PEX7: variants seen among roughly 807,000 people sequenced by gnomAD.
The protein encoded by PEX7 is PTS2 receptor.
Under a neutral mutation model 47.5 loss-of-function variants are expected in PEX7, and 34 were observed. The ratio of observed to expected loss-of-function variants is 0.72; its 90% CI spans 0.54 to 0.95. PEX7 has a LOEUF of 0.95. Ranked by LOEUF, PEX7 falls within the 40% of genes least tolerant of loss-of-function variation. PEX7 has a pLI of 0.00. For synonymous variants in PEX7, 141 were observed against 148.8 expected (o/e 0.95, Z 0.38); for missense variants, 394 against 400.3 (o/e 0.98, Z 0.13).
chr6:136,866,824 G>A, intron 6 of PEX7, 91 bp downstream of exon 6: 1 of 1,086,216 alleles, frequency 9.2e-7, no homozygotes, highest in Non-Finnish European at 1.4e-6. Flanking sequence ...GGACTTTGGT[G>A]GTGTTCCTGG....
At chr6:136,853,484 A>G (rs1384178654) in intron 5 of PEX7, among the ~76,000 whole-genome samples, 1 of 152,152 alleles carries the variant, frequency 6.6e-6, no homozygotes, top group Non-Finnish European at 1.5e-5. Flanking sequence ...CTAATAAACT[A>G]TACCAATGCC....
chr6:136,865,641 G>C (rs1243780029), intron 5 of PEX7, among the ~76,000 whole-genome samples: 1 of 152,146 alleles, frequency 6.6e-6, no homozygotes, highest in Admixed American at 6.5e-5. Flanking sequence ...AGCTGGGCGT[G>C]GTAGCACACA....
intron 8 of PEX7, among the ~76,000 whole-genome samples, chr6:136,892,464 T>G (rs987822839): frequency 2.0e-5 from 3 of 152,222 alleles, no homozygotes; most frequent in Admixed American, 2.0e-4. Context: ...CAGGAGAGTC[T>G]GTGTTTTGGG....
At chr6:136,857,473 G>T (rs1202017710) in intron 5 of PEX7, among the ~76,000 whole-genome samples, 1 of 152,184 alleles carries the variant, frequency 6.6e-6, no homozygotes, top group Non-Finnish European at 1.5e-5. Flanking sequence ...ACAACAGATG[G>T]AGTTCCTGCA....
intron 3 of PEX7, among the ~76,000 whole-genome samples, chr6:136,829,088 C>A (rs929190503): frequency 6.6e-6 from 1 of 152,170 alleles, no homozygotes; most frequent in Non-Finnish European, 1.5e-5. Flanking sequence ...CTTCAACAGT[C>A]AGAGTTTACT....
At position 136,898,221 on chromosome 6, in the gene PEX7, A is replaced by G. The variant is rs1459591337; in HGVS notation, c.883A>G (p.Ser295Gly). Residue 295 changes from serine (S) to glycine (G), a missense_variant, in exon 9 of 10, where the codon AGT becomes GGT. By Grantham distance (56) the Ser-to-Gly change is moderately conservative (BLOSUM62 0). Transcript: ENST00000318471. ...AGAGTTTACTTGTGGTTTAGACTTC[A>G]GTCTTCAGAGCCCCACTCAGGTAAC... ...HTEFTCGLDF[S>G]LQSPTQVADC... is the part of the protein sequence containing the mutation. 4 of 1,600,032 alleles carry G rather than the reference A, an allele frequency of 2.5e-6. No individual in the cohort carries two copies. Among genetic ancestry groups the G allele is most frequent in the Non-Finnish European group, 3.4e-6 (4 of 1,167,238 alleles).
chr6:136,842,390 G>A (rs1404702744), intron 3 of PEX7, among the ~76,000 whole-genome samples: 1 of 152,178 alleles, frequency 6.6e-6, no homozygotes, highest in African/African-American at 2.4e-5. Context: ...ACTTGGTTGT[G>A]CAACAGAAGA....
chr6:136,825,879 G>A (rs1774180520), intron 2 of PEX7, among the ~76,000 whole-genome samples: 1 of 152,152 alleles, frequency 6.6e-6, no homozygotes, highest in African/African-American at 2.4e-5. Context: ...TACTTGGGAA[G>A]CTGAGGTGGG....
At chr6:136,854,545 G>A (rs1322589079) in intron 5 of PEX7, among the ~76,000 whole-genome samples, 1 of 152,134 alleles carries the variant, frequency 6.6e-6, no homozygotes, top group African/African-American at 2.4e-5. Context: ...AATCGGATCT[G>A]TAAGTTGACC....
At position 136,857,520 on chromosome 6, in the gene PEX7, C is replaced by T. The variant is rs117792510; in HGVS notation, c.527-9107C>T. 8.5e-5 allele frequency among the ~76,000 whole-genome samples: 13 copies of T among 152,242 alleles called. No homozygotes were observed. The East Asian group carries it at 2.3e-3, about 27-fold the overall frequency. Reference sequence around the variant, plus strand: ...TATAGTCCAGTAGGAAAGAGGAATGCTAAGACAAAATCTAGAAGCAGCTAG... The same window carrying T: ...TATAGTCCAGTAGGAAAGAGGAATGTTAAGACAAAATCTAGAAGCAGCTAG... On this transcript the variant is annotated intron_variant, in intron 5 of 9. Transcript: ENST00000318471.
chr6:136,835,172 G>A (rs1190588841), intron 3 of PEX7, among the ~76,000 whole-genome samples: 6 of 151,960 alleles, frequency 3.9e-5, no homozygotes, highest in Non-Finnish European at 5.9e-5. Context: ...TGTTCTGGCC[G>A]CCTCAGCCTC....
At chr6:136,860,409 CTTTTTT>C (rs386408726) in intron 5 of PEX7, among the ~76,000 whole-genome samples, 6 of 113,952 alleles carry the variant, frequency 5.3e-5, no homozygotes, top group Non-Finnish European at 1.0e-4. Context: ...AGCCATGGCT[CTTTTTT>C]TTTTTTTTTT....
intron 3 of PEX7, among the ~76,000 whole-genome samples, chr6:136,841,680 C>T (rs1175649051): frequency 6.6e-6 from 1 of 152,148 alleles, no homozygotes; most frequent in Non-Finnish European, 1.5e-5. Flanking sequence ...ACCTTGTGGG[C>T]TCAAGCCATC....
intron 8 of PEX7, among the ~76,000 whole-genome samples, chr6:136,884,046 G>A (rs1349811291): frequency 6.6e-6 from 1 of 152,080 alleles, no homozygotes; most frequent in African/African-American, 2.4e-5. Context: ...GATTATCGAA[G>A]ACTTTCTTGT....
chr6:136,892,808 G>A (rs1030490258), intron 8 of PEX7, among the ~76,000 whole-genome samples: 20 of 152,176 alleles, frequency 1.3e-4, no homozygotes, highest in Non-Finnish European at 1.9e-4. Flanking sequence ...GATGTCTTCT[G>A]TTTCATTAAT....
chr6:136,888,191 T>G (rs528235661), intron 8 of PEX7, among the ~76,000 whole-genome samples: 1 of 151,590 alleles, frequency 6.6e-6, no homozygotes, highest in Admixed American at 6.6e-5. Flanking sequence ...CAAAAAAAGG[T>G]CAGTCAGAGT....
At chr6:136,912,384 T>A (rs886716243) in intron 9 of PEX7, among the ~76,000 whole-genome samples, 4 of 152,166 alleles carry the variant, frequency 2.6e-5, no homozygotes, top group African/African-American at 4.8e-5. Flanking sequence ...CTGTGGTGCA[T>A]CTCAAATTCA....
intron 3 of PEX7, 30 bp from the exon 4 acceptor site, chr6:136,845,585 T>C (rs1197270298): frequency 7.4e-7 from 1 of 1,344,670 alleles, no homozygotes; most frequent in Admixed American, 1.7e-5. Flanking sequence ...GATGGTCTTT[T>C]GCTTTCTAAA....
At chr6:136,897,367 A>C (rs1775670055) in intron 8 of PEX7, among the ~76,000 whole-genome samples, 1 of 152,252 alleles carries the variant, frequency 6.6e-6, no homozygotes, top group Non-Finnish European at 1.5e-5. Context: ...GATGATGAGC[A>C]AATAAAGCAT....
Sources: gnomAD v4.1 joint callset for allele counts (sites outside exome capture counted in the v4.1 genomes callset) on GRCh38, gnomAD v4.1.1 for gene constraint, MANE v1.5 for transcripts, NCBI Gene and HGNC (gene_info 2026-07-23, HGNC 2026-07-21) for gene names.